Variants in PAX7 observed in about 807,000 individuals in gnomAD.
PAX7 encodes paired box protein Pax-7.
In PAX7, 18 loss-of-function variants were observed where a neutral mutation model predicts 50.7. The observed-to-expected ratio is 0.36, with a 90% CI of 0.25 to 0.53. The LOEUF (loss-of-function observed/expected upper bound fraction) is 0.53. Ranked by LOEUF, PAX7 falls within the 20% of genes least tolerant of loss-of-function variation. The pLI is 0.93. For synonymous variants in PAX7, 310 were observed against 290.4 expected (o/e 1.07, Z -0.69); for missense variants, 644 against 702.9 (o/e 0.92, Z 0.95).
rs745661148 is a variant in PAX7, at chr1:18,641,043, T to A, written c.586+4672T>A. ...AGCAGAGACTAACGAGAAACAACAA[T>A]GAGGAGATAACTATTACAAAGGCAA... On this transcript the variant is annotated intron_variant, in intron 4 of 8. Coordinates refer to ENST00000420770, the MANE Select transcript of PAX7 (RefSeq NM_001135254.2). 2.6e-4 allele frequency among the ~76,000 whole-genome samples: 40 copies of A among 152,130 alleles called. No homozygotes were observed. In the Middle Eastern group the frequency reaches 0.02, roughly 78 times the overall value.
chr1:18,671,364 G>A (rs1407673663), intron 4 of PAX7, among the ~76,000 whole-genome samples: 1 of 152,228 alleles, frequency 6.6e-6, no homozygotes, highest in Non-Finnish European at 1.5e-5. Flanking sequence ...CATTAAAGAG[G>A]AGGAAAGAAA....
chr1:18,651,820 C>T (rs867129083), intron 4 of PAX7, among the ~76,000 whole-genome samples: 51 of 139,810 alleles, frequency 3.6e-4, no homozygotes, highest in African/African-American at 8.9e-4. Flanking sequence ...CTCCCCTCCC[C>T]GCCCCCCCCA....
At chr1:18,703,055 A>T in intron 6 of PAX7, 39 bp from the exon 7 acceptor site, 1 of 1,578,324 alleles carries the variant, frequency 6.3e-7, no homozygotes, top group East Asian at 2.3e-5. Context: ...GTCCAGGATG[A>T]GGCCACTTGC....
chr1:18,675,108 T>C (rs1267452496), intron 4 of PAX7, among the ~76,000 whole-genome samples: 9 of 152,116 alleles, frequency 5.9e-5, no homozygotes, highest in African/African-American at 2.2e-4. Context: ...CACCTCTTTT[T>C]GAGTGTTTGA....
intron 7 of PAX7, among the ~76,000 whole-genome samples, chr1:18,711,736 C>T (rs1213415412): frequency 6.6e-6 from 1 of 152,128 alleles, no homozygotes; most frequent in Non-Finnish European, 1.5e-5. Flanking sequence ...TCCCCCCACC[C>T]TCCAACACAC....
chr1:18,704,347 G>T (rs1024212249), intron 7 of PAX7, among the ~76,000 whole-genome samples: 4 of 152,180 alleles, frequency 2.6e-5, no homozygotes. Context: ...AAGGCCGAGC[G>T]TGGTGGCTCA....
At chr1:18,719,552 C>T (rs2089468746) in intron 7 of PAX7, among the ~76,000 whole-genome samples, 1 of 152,214 alleles carries the variant, frequency 6.6e-6, no homozygotes, top group African/African-American at 2.4e-5. Context: ...GATTAAGGTC[C>T]CGTGAGGGCC....
intron 4 of PAX7, among the ~76,000 whole-genome samples, chr1:18,689,005 G>C (rs1024880125): frequency 6.6e-6 from 1 of 152,182 alleles, no homozygotes; most frequent in South Asian, 2.1e-4. Context: ...CTTTCTGAGG[G>C]TAGGGCCTGT....
intron 7 of PAX7, among the ~76,000 whole-genome samples, chr1:18,715,232 C>A (rs796415713): frequency 1.4e-4 from 21 of 152,320 alleles, no homozygotes; most frequent in African/African-American, 4.6e-4. Context: ...TGGCTCCCTT[C>A]CATGAAGCTT....
In PAX7 at chr1:18,700,999, G is replaced by A. The variant is rs182020566; in HGVS notation, c.952+181G>A. 6.6e-6 allele frequency among the ~76,000 whole-genome samples: 1 copy of A among 152,274 alleles called. No homozygotes were observed. Among genetic ancestry groups the A allele is most frequent in the Non-Finnish European group, 1.5e-5 (1 of 68,028 alleles). On this transcript the variant is annotated intron_variant, in intron 6 of 8. Coordinates refer to ENST00000420770, the MANE Select transcript of PAX7 (RefSeq NM_001135254.2). The surrounding 1 kb of genome is among the most constrained non-coding windows in gnomAD (Gnocchi z 4.8). Reference sequence around the variant, plus strand: ...TCTTGGCCCTGACACAGAGCAGCCAGGTGGGATCCCCAAGGCAGCCCCTGT... The same window carrying A: ...TCTTGGCCCTGACACAGAGCAGCCAAGTGGGATCCCCAAGGCAGCCCCTGT...
intron 4 of PAX7, among the ~76,000 whole-genome samples, chr1:18,680,542 G>A (rs539965294): frequency 2.0e-5 from 3 of 152,286 alleles, no homozygotes; most frequent in African/African-American, 4.8e-5. Flanking sequence ...ACGAGGCTCA[G>A]GACTTAAACA....
chr1:18,705,737 G>A (rs1423742084), intron 7 of PAX7, among the ~76,000 whole-genome samples: 2 of 152,232 alleles, frequency 1.3e-5, no homozygotes, highest in African/African-American at 2.4e-5. Flanking sequence ...AGGGTTGGAT[G>A]ACGTGTTTTC....
chr1:18,680,137 G>C lies in PAX7; in HGVS notation c.587-11617G>C, dbSNP rs564135553. On this transcript the variant is annotated intron_variant, in intron 4 of 8. Coordinates refer to ENST00000420770, the MANE Select transcript of PAX7 (RefSeq NM_001135254.2). ...AGTTACTTTCCTAGGTTAGTGGGGG[G>C]CTGGGACAGTTGTATCAAGGGTACC... is the stretch of plus-strand genomic sequence containing the variant. Among the ~76,000 whole-genome samples the C allele has an allele frequency of 5.3e-5, 8 of 152,284 alleles. No homozygotes were observed. In the East Asian group the frequency reaches 1.2e-3, roughly 22 times the overall value.
intron 4 of PAX7, among the ~76,000 whole-genome samples, chr1:18,667,833 T>A (rs1361670352): frequency 6.6e-6 from 1 of 152,078 alleles, no homozygotes; most frequent in African/African-American, 2.4e-5. Flanking sequence ...GGTCCAATCT[T>A]TGCTTTCCTC....
intron 5 of PAX7, among the ~76,000 whole-genome samples, chr1:18,696,811 G>A (rs2089156143): frequency 6.6e-6 from 1 of 151,996 alleles, no homozygotes; most frequent in Non-Finnish European, 1.5e-5. Context: ...AAAGGAATAA[G>A]GATAAAGAAG....
chr1:18,676,975 C>T (rs897293339), intron 4 of PAX7, among the ~76,000 whole-genome samples: 10 of 152,180 alleles, frequency 6.6e-5, no homozygotes, highest in African/African-American at 2.4e-4. Flanking sequence ...GGACAAACTT[C>T]AGGGTTTCAA....
At chr1:18,648,340 CTTTTTTT>C (rs531869233) in intron 4 of PAX7, among the ~76,000 whole-genome samples, 1 of 119,744 alleles carries the variant, frequency 8.4e-6, no homozygotes. Context: ...TTATTTTTGT[CTTTTTTT>C]TTTTTTTTTT....
chr1:18,656,465 A>G (rs2088524098), intron 4 of PAX7, among the ~76,000 whole-genome samples: 1 of 152,166 alleles, frequency 6.6e-6, no homozygotes, highest in Non-Finnish European at 1.5e-5. Flanking sequence ...CCGCCACTGC[A>G]CTGCAGCCTG....
chr1:18,690,119 G>T (rs540261358), intron 4 of PAX7, among the ~76,000 whole-genome samples: 1 of 152,208 alleles, frequency 6.6e-6, no homozygotes, highest in Admixed American at 6.5e-5. Context: ...CCAGGGCTCA[G>T]GTCCTACCTT....
Sources: allele counts gnomAD v4.1 joint callset (sites outside exome capture counted in the v4.1 genomes callset), GRCh38; gene constraint gnomAD v4.1.1; non-coding constraint Gnocchi (gnomAD v3.1); transcripts MANE v1.5; gene names NCBI Gene and HGNC (gene_info 2026-07-23, HGNC 2026-07-21).